Variants in USPL1 observed in about 807,000 individuals in gnomAD.
USPL1 encodes the protein SUMO-specific isopeptidase USPL1.
In USPL1, 27 loss-of-function variants were observed where a neutral mutation model predicts 51.5. The ratio of observed to expected loss-of-function variants is 0.52; its 90% CI spans 0.39 to 0.72. The LOEUF (loss-of-function observed/expected upper bound fraction) is 0.72. Ranked by LOEUF, USPL1 falls within the 30% of genes least tolerant of loss-of-function variation. The pLI, the probability that USPL1 is intolerant of heterozygous loss-of-function variation, is 0.00. For synonymous variants in USPL1, 451 were observed against 459.6 expected, an observed-to-expected ratio of 0.98 and a Z score of 0.24; for missense variants, 1,226 against 1,268.0, an observed-to-expected ratio of 0.97 and a Z score of 0.50.
At chr13:30,626,825 G>C (rs893907458) in intron 3 of USPL1, among the ~76,000 whole-genome samples, 7 of 151,552 alleles carry the variant, frequency 4.6e-5, no homozygotes, top group African/African-American at 1.7e-4. Context: ...CTATCATTCA[G>C]CGTTTACTTT....
At chr13:30,623,644 G>A (rs1027362610) in intron 3 of USPL1, among the ~76,000 whole-genome samples, 3 of 152,184 alleles carry the variant, frequency 2.0e-5, no homozygotes, top group Non-Finnish European at 4.4e-5. Flanking sequence ...TACTATTGTG[G>A]TGACTTAGGA....
chr13:30,650,766 G>A (rs1178991875), intron 7 of USPL1, among the ~76,000 whole-genome samples: 1 of 151,980 alleles, frequency 6.6e-6, no homozygotes, highest in Admixed American at 6.6e-5. Flanking sequence ...AAGGCGGGTG[G>A]ATTACCTAAG....
chr13:30,658,034 A>C lies in USPL1; in HGVS notation c.1957A>C (p.Ser653Arg), dbSNP rs776206791. Residue 653 changes from serine to arginine, a missense_variant, in exon 9 of 9, where the codon AGT (serine) becomes CGT (arginine). Coordinates refer to ENST00000255304, the MANE Select transcript of USPL1 (RefSeq NM_005800.5). ...TATTCAAGACCAATTTGTGGACATA[A>C]GTTTTCCATCCCAAGTTGTAAATAC... ...KLIQDQFVDI[S>R]FPSQVVNTNM... 6.2e-7 allele frequency: 1 copy of C among 1,613,226 alleles called. No homozygotes were observed. Among genetic ancestry groups the C allele is most frequent in the South Asian group, 1.1e-5 (1 of 90,884 alleles).
intron 5 of USPL1, 57 bp from the exon 6 acceptor site, chr13:30,642,571 G>T: frequency 2.5e-6 from 4 of 1,575,932 alleles, no homozygotes; most frequent in South Asian, 1.2e-5. Context: ...TCACAATTTT[G>T]GTTTAGTTTT....
At chr13:30,632,402 T>C (rs926336856) in intron 4 of USPL1, among the ~76,000 whole-genome samples, 16 of 142,584 alleles carry the variant, frequency 1.1e-4, no homozygotes, top group African/African-American at 4.1e-4. Context: ...TCTTTGCTAT[T>C]GTGATTTTTT....
intron 4 of USPL1, among the ~76,000 whole-genome samples, chr13:30,634,120 G>A (rs915102913): frequency 1.3e-5 from 2 of 152,158 alleles, no homozygotes; most frequent in African/African-American, 4.8e-5. Context: ...TGAATTGCCA[G>A]CATTACTATG....
rs768918868 is a variant in USPL1, at chr13:30,631,161, A to G, written c.555A>G (p.Thr185=). ...CTGATACTGTTGACATGGCTACTAC[A>G]AAAGATCCTGCTACAGTTGATGTCT... ...LEADTVDMAT[T]KDPATVDVSG... is the part of the protein sequence containing the mutation. The change falls in exon 4 of 9, where the codon ACA becomes ACG. Residue 185 remains threonine, a synonymous_variant. Transcript: ENST00000255304. 5 of 1,614,242 alleles carry G rather than the reference A, an allele frequency of 3.1e-6. No individual in the cohort carries two copies. The highest frequency in any genetic ancestry group is 4.2e-6 in the Non-Finnish European group (5 of 1,180,034).
chr13:30,639,766 T>C (rs1413460763), intron 5 of USPL1, among the ~76,000 whole-genome samples: 1 of 152,154 alleles, frequency 6.6e-6, no homozygotes, highest in Non-Finnish European at 1.5e-5. Context: ...CCCTAGAGTT[T>C]AGATGGAAGG....
chr13:30,630,866 A>G lies in USPL1; in HGVS notation c.260A>G (p.Asn87Ser). ...TATCCTTTGGGCTCTAAATCACTTAATAACCTAATTTCTCCTGATTTGGAA... is the reference window on the plus strand; with the variant it reads ...TATCCTTTGGGCTCTAAATCACTTAGTAACCTAATTTCTCCTGATTTGGAA... Reference protein sequence around the residue: ...CIYPLGSKSLNNLISPDLEEC... With the variant: ...CIYPLGSKSLSNLISPDLEEC... The change falls in exon 4 of 9, where the codon AAT becomes AGT. Residue 87 changes from asparagine (N) to serine (S), a missense_variant. Asn to Ser is a conservative substitution (Grantham distance 46, BLOSUM62 1). Transcript: ENST00000255304. 6.2e-7 allele frequency: 1 copy of G among 1,611,934 alleles called. No individual in the cohort carries two copies. Among genetic ancestry groups the G allele is most frequent in the Non-Finnish European group, 8.5e-7 (1 of 1,179,230 alleles).
Position 30,656,724 on chromosome 13 carries a change from AT to A in USPL1, c.1397-745del, listed in dbSNP as rs1951169488. ...GGTCTTAACGGTAATTCTGTGTTTA[AT>A]TTTTGGACGAACTGCCAGACTGTTT... On this transcript the variant is annotated intron_variant, in intron 8 of 8. Transcript: ENST00000255304. Among the ~76,000 whole-genome samples, 3 of 152,140 alleles carry A rather than the reference AT, an allele frequency of 2.0e-5. No homozygotes were observed. In the South Asian group the frequency reaches 6.2e-4, roughly 31 times the overall value.
At chr13:30,649,310 A>T (rs1470118473) in intron 7 of USPL1, among the ~76,000 whole-genome samples, 1 of 152,168 alleles carries the variant, frequency 6.6e-6, no homozygotes, top group Non-Finnish European at 1.5e-5. Flanking sequence ...AATTTGTATA[A>T]CTTGATTTGT....
rs17609459 is a variant in USPL1, at chr13:30,657,641, G to T, written c.1564G>T (p.Ala522Ser). 1 of 1,614,030 alleles carries T rather than the reference G, an allele frequency of 6.2e-7. No homozygotes were observed. The highest frequency in any genetic ancestry group is 8.5e-7 in the Non-Finnish European group (1 of 1,180,028). Residue 522 changes from alanine (A) to serine (S), a missense_variant, in exon 9 of 9, where the codon GCT becomes TCT. Physicochemically the swap from Ala to Ser is moderately conservative, Grantham distance 99. Coordinates refer to ENST00000255304, the MANE Select transcript of USPL1 (RefSeq NM_005800.5). ...LPLKKTNDQH[A>S]LSNEKPVSLT... Reference sequence around the variant, plus strand: ...ACTTAAAAAGACTAATGACCAACACGCTCTCAGTAATGAGAAACCAGTATC... The same window carrying T: ...ACTTAAAAAGACTAATGACCAACACTCTCTCAGTAATGAGAAACCAGTATC...
chr13:30,653,041 T>A (rs1951111569), intron 7 of USPL1, 107 bp from the exon 8 acceptor site: 1 of 1,164,286 alleles, frequency 8.6e-7, no homozygotes, highest in Admixed American at 2.5e-5. Context: ...ATTAGTGCAG[T>A]TAGCCTTGGA....
chr13:30,628,326 A>G (rs1161407124), intron 3 of USPL1, among the ~76,000 whole-genome samples: 1 of 152,066 alleles, frequency 6.6e-6, no homozygotes, highest in Non-Finnish European at 1.5e-5. Context: ...TGTAGCATGG[A>G]TGAATATACA....
intron 5 of USPL1, 139 bp from the exon 6 acceptor site, chr13:30,642,489 C>G: frequency 1.0e-6 from 1 of 985,958 alleles, no homozygotes; most frequent in Non-Finnish European, 1.4e-6. Context: ...TCTCCCAACT[C>G]TGAGTGACTT....
intron 8 of USPL1, among the ~76,000 whole-genome samples, 183 bp downstream of exon 8, chr13:30,653,488 T>C (rs1164817872): frequency 6.6e-6 from 1 of 152,218 alleles, no homozygotes; most frequent in Admixed American, 6.5e-5. Context: ...TTTAGTATCC[T>C]GTCTCATTTT....
At position 30,659,227 on chromosome 13, in the gene USPL1, A is replaced by AT. The variant is rs777201467; in HGVS notation, c.3152dup (p.Leu1051PhefsTer10). 6.2e-7 allele frequency: 1 copy of AT among 1,614,188 alleles called. No individual in the cohort carries two copies. The highest frequency in any genetic ancestry group is 8.5e-7 in the Non-Finnish European group (1 of 1,180,032). On this transcript the variant is annotated frameshift_variant, in exon 9 of 9. Coordinates refer to ENST00000255304, the MANE Select transcript of USPL1 (RefSeq NM_005800.5). LOFTEE classifies it high-confidence loss of function. ...TGACAAATAATGCCTGCGTTAGAACATTAAACTTGGAGAGTCCGATGAAGA... is the reference window on the plus strand; with the variant it reads ...TGACAAATAATGCCTGCGTTAGAACATTTAAACTTGGAGAGTCCGATGAAGA...
At chr13:30,632,406 A>ATTTTTTTTTTTTTTTTTTT (rs60539080) in intron 4 of USPL1, among the ~76,000 whole-genome samples, 1 of 83,672 alleles carries the variant, frequency 1.2e-5, no homozygotes. Flanking sequence ...TGCTATTGTG[A>ATTTTTTTTTTTTTTTTTTT]TTTTTTTTTT....
At chr13:30,628,965 A>G (rs1296694892) in intron 3 of USPL1, among the ~76,000 whole-genome samples, 1 of 152,198 alleles carries the variant, frequency 6.6e-6, no homozygotes, top group African/African-American at 2.4e-5. Context: ...GTTTTCTGAC[A>G]TATGATAGGA....
Sources: allele counts gnomAD v4.1 joint callset (sites outside exome capture counted in the v4.1 genomes callset), GRCh38; gene constraint gnomAD v4.1.1; transcripts MANE v1.5; gene names NCBI Gene and HGNC (gene_info 2026-07-23, HGNC 2026-07-21).